LDHC: variants seen among roughly 807,000 people sequenced by gnomAD.
LDHC encodes lactate dehydrogenase C.
In LDHC, 20 loss-of-function variants were observed where a neutral mutation model predicts 30.2. The observed-to-expected ratio is 0.66, with a 90% CI of 0.47 to 0.96. The LOEUF (loss-of-function observed/expected upper bound fraction) is 0.96. LDHC is among the 40% of genes least tolerant of loss of function. The pLI is 0.00. For missense variants in LDHC, 362 were observed against 394.9 expected (o/e 0.92, Z 0.71); for synonymous variants, 139 against 132.7 (o/e 1.05, Z -0.32).
At chr11:18,423,434 A>G (rs1848102349) in intron 3 of LDHC, among the ~76,000 whole-genome samples, 1 of 152,204 alleles carries the variant, frequency 6.6e-6, no homozygotes, top group Non-Finnish European at 1.5e-5. Context: ...TTGTTATATA[A>G]CACTGATGAT....
At chr11:18,429,679 TA>T in intron 3 of LDHC, 57 bp from the exon 4 acceptor site, 1 of 1,005,020 alleles carries the variant, frequency 1.0e-6, no homozygotes, top group Non-Finnish European at 1.5e-6. Context: ...TTTAAGGAGT[TA>T]AGGCACAGTG....
At chr11:18,419,658 T>C (rs1291381643) in intron 3 of LDHC, among the ~76,000 whole-genome samples, 1 of 152,078 alleles carries the variant, frequency 6.6e-6, no homozygotes, top group East Asian at 1.9e-4. Flanking sequence ...CACTATAGAT[T>C]TAAAAATTAT....
At position 18,434,796 on chromosome 11, in the gene LDHC, A is replaced by G. The variant is rs778491375; in HGVS notation, c.475A>G (p.Ile159Val). The change falls in exon 5 of 8, where the codon ATT becomes GTT. Residue 159 changes from isoleucine (I) to valine (V), a missense_variant. Ile to Val is a conservative substitution (Grantham distance 29). Coordinates refer to ENST00000541669, the MANE Select transcript of LDHC (RefSeq NM_017448.5). ...AAGTGGCTTACCTGTAACTCGTGTA[A>G]TTGGAAGTGGTTGTAATCTAGACTC... ...KISGLPVTRV[I>V]GSGCNLDSAR... 1.9e-5 allele frequency: 30 copies of G among 1,611,180 alleles called. No individual in the cohort carries two copies. The East Asian group carries it at 6.0e-4, about 32-fold the overall frequency.
intron 3 of LDHC, among the ~76,000 whole-genome samples, chr11:18,420,880 A>C (rs1326054713): frequency 6.6e-6 from 1 of 152,096 alleles, no homozygotes; most frequent in Non-Finnish European, 1.5e-5. Context: ...GTCTTGGGGG[A>C]TTAAAAAATT....
chr11:18,433,792 C>T (rs993981671), intron 4 of LDHC, among the ~76,000 whole-genome samples: 63 of 152,258 alleles, frequency 4.1e-4, no homozygotes, highest in African/African-American at 1.4e-3. Flanking sequence ...GGTCTTTTTG[C>T]GATGAATTTC....
At chr11:18,425,049 T>C (rs1054721294) in intron 3 of LDHC, among the ~76,000 whole-genome samples, 1 of 152,122 alleles carries the variant, frequency 6.6e-6, no homozygotes, top group African/African-American at 2.4e-5. Context: ...AATTTAAACA[T>C]GCATAGGTAG....
chr11:18,412,927 GTTAATCCC>G, intron 2 of LDHC, 84 bp downstream of exon 2: 1 of 1,304,168 alleles, frequency 7.7e-7, no homozygotes, highest in South Asian at 1.6e-5. Context: ...GGGTTGCAAG[GTTAATCCC>G]TTGAAAGCAA....
At chr11:18,438,374 C>T (rs997019411) in intron 5 of LDHC, among the ~76,000 whole-genome samples, 154 bp from the exon 6 acceptor site, 1 of 152,130 alleles carries the variant, frequency 6.6e-6, no homozygotes, top group Non-Finnish European at 1.5e-5. Flanking sequence ...CTTCCCACCC[C>T]CAACACTAGC....
intron 3 of LDHC, among the ~76,000 whole-genome samples, chr11:18,417,471 G>A (rs1867044037): frequency 6.6e-6 from 1 of 152,132 alleles, no homozygotes; most frequent in Non-Finnish European, 1.5e-5. Flanking sequence ...ATGGTTCACT[G>A]CAGCCTCGAA....
chr11:18,428,248 T>C (rs1848199072), intron 3 of LDHC, among the ~76,000 whole-genome samples: 1 of 141,060 alleles, frequency 7.1e-6, no homozygotes, highest in Admixed American at 7.6e-5. Flanking sequence ...CTGGGCTCAC[T>C]GCAACCTCCG....
chr11:18,431,276 C>A (rs944294082), intron 4 of LDHC, among the ~76,000 whole-genome samples: 1 of 152,010 alleles, frequency 6.6e-6, no homozygotes, highest in Non-Finnish European at 1.5e-5. Context: ...GCCTGGCCAA[C>A]GTAGTGAAAC....
chr11:18,417,552 C>T (rs532628443), intron 3 of LDHC, among the ~76,000 whole-genome samples: 115 of 152,282 alleles, frequency 7.6e-4, no homozygotes, highest in Middle Eastern at 3.4e-3. Flanking sequence ...CAGCACCACA[C>T]CCAGCTAATT....
At chr11:18,442,546 ATTC>A (rs1282172402) in intron 6 of LDHC, among the ~76,000 whole-genome samples, 3 of 152,112 alleles carry the variant, frequency 2.0e-5, no homozygotes, top group African/African-American at 7.2e-5. Flanking sequence ...TGTTTTGGTA[ATTC>A]TTAACCAACT....
intron 3 of LDHC, among the ~76,000 whole-genome samples, chr11:18,429,116 CTTTTTTTTT>C (rs36038254): frequency 5.3e-5 from 5 of 93,916 alleles, no homozygotes; most frequent in Admixed American, 3.0e-4. Flanking sequence ...TCATTTTGGT[CTTTTTTTTT>C]TTTTTTTTTT....
Position 18,429,726 on chromosome 11 carries a change from T to C in LDHC, c.245-11T>C. The C allele has an allele frequency of 6.4e-7, 1 of 1,556,898 alleles. No individual in the cohort carries two copies. The highest frequency in any genetic ancestry group is 8.8e-7 in the Non-Finnish European group (1 of 1,134,768). ...TGTTGATCCAAATATAGTATTTTGT[T>C]TCCTTTTTAGATTACAGTGTATCTG... On this transcript the variant is annotated splice_polypyrimidine_tract_variant and intron_variant, in intron 3 of 7. Transcript: ENST00000541669.
intron 6 of LDHC, 111 bp from the exon 7 acceptor site, chr11:18,446,099 A>G: frequency 1.2e-6 from 1 of 866,340 alleles, no homozygotes; most frequent in East Asian, 2.5e-5. Flanking sequence ...GAAAATTCTA[A>G]TACAATTGCA....
Position 18,435,008 on chromosome 11 carries a change from G to A in LDHC, c.592+95G>A, listed in dbSNP as rs569599268. 16 of 780,348 alleles carry A rather than the reference G, an allele frequency of 2.1e-5. No homozygotes were observed. In the Admixed American group the frequency reaches 3.8e-4, roughly 18 times the overall value. The allele number at this position is 780,348 out of a possible 1,614,324, so 48.3% of individuals were successfully genotyped here. ...TTTTTTCCCTGATATTAATATAGTT[G>A]TATAAGTTTAATTTTTTTGGTATTT... On this transcript the variant is annotated intron_variant, in intron 5 of 7. Transcript: ENST00000541669.
chr11:18,445,947 G>A (rs899135432), intron 6 of LDHC, among the ~76,000 whole-genome samples: 1 of 152,016 alleles, frequency 6.6e-6, no homozygotes, highest in Admixed American at 6.6e-5. Context: ...ACTGCCCTCC[G>A]GCCTGGGCAA....
chr11:18,427,396 G>A (rs1313041125), intron 3 of LDHC, among the ~76,000 whole-genome samples: 1 of 151,930 alleles, frequency 6.6e-6, no homozygotes, highest in African/African-American at 2.4e-5. Flanking sequence ...ACAAAAAAAC[G>A]CTATTAGCTT....
Sources: allele counts gnomAD v4.1 joint callset (sites outside exome capture counted in the v4.1 genomes callset), GRCh38; gene constraint gnomAD v4.1.1; transcripts MANE v1.5; gene names NCBI Gene and HGNC (gene_info 2026-07-23, HGNC 2026-07-21).